The following JADE1 variants were observed in gnomAD, a reference collection of about 807,000 sequenced individuals.
The protein encoded by JADE1 is jade family PHD finger 1.
In JADE1, 14 loss-of-function variants were observed where a neutral mutation model predicts 81.8. That is an observed-to-expected ratio of 0.17 (90% CI 0.11 to 0.27). The LOEUF (loss-of-function observed/expected upper bound fraction) is 0.27. Ranked by LOEUF, JADE1 falls within the 10% of genes least tolerant of loss-of-function variation. The pLI is 1.00. For missense variants in JADE1, 690 were observed against 1,047.9 expected, an observed-to-expected ratio of 0.66 and a Z score of 4.71; for synonymous variants, 353 against 391.9, an observed-to-expected ratio of 0.90 and a Z score of 1.17.
At chr4:128,819,268 G>C (rs1727331326) in intron 1 of JADE1, among the ~76,000 whole-genome samples, 2 of 79,476 alleles carry the variant, frequency 2.5e-5, no homozygotes, top group African/African-American at 6.6e-5. Flanking sequence ...AGGCTGGAGT[G>C]CAATGGTGGT....
chr4:128,820,576 A>G (rs1368346851), intron 1 of JADE1, among the ~76,000 whole-genome samples: 1 of 152,162 alleles, frequency 6.6e-6, no homozygotes, highest in Admixed American at 6.5e-5. Flanking sequence ...AGGCTTGTAC[A>G]ATTGTGATGA....
At chr4:128,870,601 C>T (rs1176247808) in intron 10 of JADE1, among the ~76,000 whole-genome samples, 1 of 152,066 alleles carries the variant, frequency 6.6e-6, no homozygotes, top group Non-Finnish European at 1.5e-5. Context: ...TGTCAGAGTA[C>T]ATTATCAAAT....
chr4:128,844,401 TAC>T (rs1485653200), intron 3 of JADE1, among the ~76,000 whole-genome samples: 1 of 152,206 alleles, frequency 6.6e-6, no homozygotes, highest in Non-Finnish European at 1.5e-5. Context: ...GGCACTAACA[TAC>T]TCTACCAGAG....
At chr4:128,865,715 T>C (rs142552659) in intron 9 of JADE1, among the ~76,000 whole-genome samples, 4 of 152,302 alleles carry the variant, frequency 2.6e-5, no homozygotes, top group Non-Finnish European at 2.9e-5. Flanking sequence ...CATTTAGATA[T>C]TTCCCATCAG....
intron 4 of JADE1, among the ~76,000 whole-genome samples, chr4:128,847,128 C>A (rs548635287): frequency 6.6e-6 from 1 of 152,154 alleles, no homozygotes; most frequent in Non-Finnish European, 1.5e-5. Context: ...AGGGTCGAGT[C>A]CCTGCCGACT....
chr4:128,868,839 G>T (rs1253651872), intron 10 of JADE1, among the ~76,000 whole-genome samples: 1 of 152,112 alleles, frequency 6.6e-6, no homozygotes, highest in South Asian at 2.1e-4. Flanking sequence ...GTCTTAGACT[G>T]GACTTCATTG....
chr4:128,855,573 G>GA (rs1329243187), intron 6 of JADE1, 57 bp from the exon 7 acceptor site: 21 of 1,480,006 alleles, frequency 1.4e-5, no homozygotes. Context: ...GATATAATGG[G>GA]AAAAATAACA....
rs1732324496 is a variant in JADE1 at position 128,873,256 on chromosome 4, G to GAAAAAAAAAAAAAAAGA, written c.*1009_*1010insGAAAAAAAAAAAAAAAA. 2 of 28,686 alleles carry GAAAAAAAAAAAAAAAGA rather than the reference G, an allele frequency of 7.0e-5. No individual in the cohort carries two copies. The highest frequency in any genetic ancestry group is 2.4e-4 in the African/African-American group (2 of 8,436). The allele number at this position is 28,686 out of a possible 1,614,324, so 1.8% of individuals were successfully genotyped here. ...CATGAATGGATTCCTTAAGAAAAAG[G>GAAAAAAAAAAAAAAAGA]AAAAAAAAAAAAAAAAGAAAAAAAG... On this transcript the variant is annotated 3_prime_UTR_variant, in exon 11 of 11. Transcript: ENST00000226319.
chr4:128,811,147 G>A (rs1239756697), intron 1 of JADE1: 5 of 152,348 alleles, frequency 3.3e-5, no homozygotes, highest in Non-Finnish European at 7.3e-5. Flanking sequence ...GCGGGAGAGG[G>A]ATGGAATGTG....
intron 9 of JADE1, among the ~76,000 whole-genome samples, chr4:128,866,157 T>G (rs1313889168): frequency 3.9e-5 from 6 of 152,214 alleles, no homozygotes; most frequent in African/African-American, 1.4e-4. Flanking sequence ...GACACCTGCT[T>G]CTTGGATTGA....
At chr4:128,817,655 C>T (rs1416350895) in intron 1 of JADE1, among the ~76,000 whole-genome samples, 5 of 152,186 alleles carry the variant, frequency 3.3e-5, no homozygotes, top group South Asian at 4.1e-4. Context: ...ATAATCTTTA[C>T]GAGCATCAGT....
rs1730751990 is a variant in JADE1 at position 128,855,879 on chromosome 4, G to A, written c.864+82G>A. The A allele has an allele frequency of 8.6e-6, 11 of 1,275,220 alleles. No homozygotes were observed. The South Asian group carries it at 1.5e-4, about 18-fold the overall frequency. The allele number at this position is 1,275,220 out of a possible 1,614,324, so 79.0% of individuals were successfully genotyped here. ...TGTCGCCCAGGCTGGAGTGCAGTGA[G>A]CTGGATCATGGCTCACTGCAGCCTT... On this transcript the variant is annotated intron_variant, in intron 7 of 10. Coordinates refer to ENST00000226319, the MANE Select transcript of JADE1 (RefSeq NM_199320.4).
intron 1 of JADE1, among the ~76,000 whole-genome samples, chr4:128,812,363 G>C (rs912415016): frequency 2.6e-5 from 4 of 151,428 alleles, no homozygotes; most frequent in African/African-American, 9.7e-5. Flanking sequence ...CCGCGGCCCT[G>C]CGCATTCCCC....
At chr4:128,843,114 T>C (rs566387239) in intron 3 of JADE1, 76 bp downstream of exon 3, 179 of 1,228,362 alleles carry the variant, frequency 1.5e-4, no homozygotes, top group Non-Finnish European at 2.0e-4. Context: ...TATCTATTTG[T>C]GCAGTCCTGG....
At chr4:128,820,118 C>CTTTTTT (rs869238548) in intron 1 of JADE1, among the ~76,000 whole-genome samples, 3,152 of 48,388 alleles carry the variant, frequency 0.065, 105 homozygotes, top group African/African-American at 0.095. Flanking sequence ...GGGAAGATTT[C>CTTTTTT]TTTTTTTTTT....
chr4:128,845,198 T>A (rs11734437), intron 3 of JADE1, among the ~76,000 whole-genome samples: 2 of 152,202 alleles, frequency 1.3e-5, no homozygotes, highest in African/African-American at 4.8e-5. Flanking sequence ...GGCGGTGTTG[T>A]GCTCCACCCC....
chr4:128,854,760 C>T (rs1205116240), intron 6 of JADE1, among the ~76,000 whole-genome samples: 1 of 152,162 alleles, frequency 6.6e-6, no homozygotes. Context: ...GAATATGCTC[C>T]TGGTACCATC....
At position 128,836,695 on chromosome 4, in the gene JADE1, A is replaced by G. The variant is rs1340996221; in HGVS notation, c.52+4885A>G. 8.0e-5 allele frequency among the ~76,000 whole-genome samples: 12 copies of G among 149,222 alleles called. No individual in the cohort carries two copies. In the South Asian group the frequency reaches 2.5e-3, roughly 32 times the overall value. On this transcript the variant is annotated intron_variant, in intron 2 of 10. Coordinates refer to ENST00000226319, the MANE Select transcript of JADE1 (RefSeq NM_199320.4). ...ACCTTGTTTTTATCAGGAATTATAT[A>G]TTATTGTTTATCTCAGGCAAATAGT...
intron 4 of JADE1, among the ~76,000 whole-genome samples, chr4:128,848,219 C>T (rs1031034236): frequency 2.0e-5 from 3 of 152,104 alleles, no homozygotes; most frequent in Non-Finnish European, 4.4e-5. Flanking sequence ...CACTCTGTTG[C>T]CCAGGCTGGA....
Sources: allele counts gnomAD v4.1 joint callset (sites outside exome capture counted in the v4.1 genomes callset), GRCh38; gene constraint gnomAD v4.1.1; transcripts MANE v1.5; gene names NCBI Gene and HGNC (gene_info 2026-07-23, HGNC 2026-07-21).